The following RNF138 variants were observed in gnomAD, a reference collection of about 807,000 sequenced individuals.
RNF138 encodes the protein ring finger protein 138.
RNF138 carries 12 observed loss-of-function variants against 31.0 expected under a neutral mutation model. That is an observed-to-expected ratio of 0.39 (90% CI 0.25 to 0.63). The LOEUF (loss-of-function observed/expected upper bound fraction) is 0.63. Among genes scored for constraint, RNF138 ranks in the 20% least tolerant of loss-of-function variants. The probability of loss-of-function intolerance (pLI) is 0.52; values close to 1 mark genes in which losing one functional copy is unlikely to be tolerated. For missense variants in RNF138, 192 were observed against 300.1 expected (o/e 0.64, Z 2.66); for synonymous variants, 105 against 99.5 (o/e 1.06, Z -0.33).
rs541879012 is a variant in RNF138, at chr18:32,111,749, T to A, written c.111-5T>A. 1.2e-6 allele frequency: 2 copies of A among 1,609,064 alleles called. No homozygotes were observed. The highest frequency in any genetic ancestry group is 2.2e-5 in the East Asian group (1 of 44,816). On this transcript the variant is annotated splice_region_variant and splice_polypyrimidine_tract_variant and intron_variant, in intron 2 of 7. Transcript: ENST00000261593. ...GTAATTAATGTGTCACAATGTTTGG[T>A]TTAGTTTCTGTAGAAAATGTTTCCT...
rs761860085 is a variant in RNF138 at position 32,092,683 on chromosome 18, C to A, written c.-77-17C>A. ...GTATCCTGATGCGATCCCCCTCCCC[C>A]CTCCGGGTTCATGTAGGGAGTCGGG... On this transcript the variant is annotated splice_polypyrimidine_tract_variant and intron_variant, in intron 1 of 7. Coordinates refer to ENST00000261593, the MANE Select transcript of RNF138 (RefSeq NM_016271.5). 1.0e-4 allele frequency: 76 copies of A among 736,154 alleles called. No individual in the cohort carries two copies. The highest frequency in any genetic ancestry group is 1.5e-4 in the Non-Finnish European group (62 of 420,442). The allele number at this position is 736,154 out of a possible 1,614,324, so 45.6% of individuals were successfully genotyped here.
intron 4 of RNF138, among the ~76,000 whole-genome samples, chr18:32,118,982 A>G (rs114483659): frequency 0.014 from 2,156 of 152,248 alleles, 55 homozygotes; most frequent in African/African-American, 0.05. Context: ...TTTTTATATC[A>G]TGCCTGAGAA....
chr18:32,126,409 T>C (rs1345004316), intron 6 of RNF138, among the ~76,000 whole-genome samples: 1 of 152,246 alleles, frequency 6.6e-6, no homozygotes, highest in Non-Finnish European at 1.5e-5. Flanking sequence ...TAACTGTCAT[T>C]ACAGTTGGTA....
At chr18:32,103,548 A>AC (rs2039977264) in intron 2 of RNF138, among the ~76,000 whole-genome samples, 1 of 152,204 alleles carries the variant, frequency 6.6e-6, no homozygotes, top group South Asian at 2.1e-4. Context: ...GCACCAAGAA[A>AC]AAAAAAAGGT....
intron 2 of RNF138, among the ~76,000 whole-genome samples, chr18:32,094,609 A>G (rs59343680): frequency 0.037 from 5,506 of 148,036 alleles, 209 homozygotes; most frequent in East Asian, 0.24. Context: ...ATCTGACATG[A>G]AAAAAAAAAC....
At position 32,100,201 on chromosome 18, in the gene RNF138, G is replaced by GATATAT. The variant is rs34225221; in HGVS notation, c.110+7331_110+7336dup. Among the ~76,000 whole-genome samples, 1,304 of 146,580 alleles carry GATATAT rather than the reference G, an allele frequency of 8.9e-3. 20 individuals carry two copies. The highest frequency in any genetic ancestry group is 0.03 in the African/African-American group (1,208 of 40,168). Reference sequence around the variant, plus strand: ...CTTGGAGCTGGGTGTTAGTGATTGAGATATATATATATATATATATAAAAT... The same window carrying GATATAT: ...CTTGGAGCTGGGTGTTAGTGATTGAGATATATATATATATATATATATATATAAAAT... On this transcript the variant is annotated intron_variant, in intron 2 of 7. Coordinates refer to ENST00000261593, the MANE Select transcript of RNF138 (RefSeq NM_016271.5).
chr18:32,092,974 GA>G (rs1432878506), intron 2 of RNF138, 88 bp downstream of exon 2: 1 of 680,360 alleles, frequency 1.5e-6, no homozygotes, highest in African/African-American at 1.9e-5. Flanking sequence ...CGCCTGGCGG[GA>G]ACCGAGCCCG....
intron 2 of RNF138, among the ~76,000 whole-genome samples, chr18:32,095,202 T>C (rs1419340989): frequency 6.6e-6 from 1 of 152,112 alleles, no homozygotes; most frequent in South Asian, 2.1e-4. Context: ...CATGGTCTTA[T>C]TCTGTTGTCC....
chr18:32,097,926 G>A (rs1006811222), intron 2 of RNF138, among the ~76,000 whole-genome samples: 3 of 148,492 alleles, frequency 2.0e-5, no homozygotes, highest in Non-Finnish European at 3.0e-5. Context: ...GTGTGTGTGT[G>A]TATATGTGTA....
intron 2 of RNF138, among the ~76,000 whole-genome samples, chr18:32,094,607 TG>T (rs2039771650): frequency 1.3e-5 from 2 of 151,230 alleles, no homozygotes; most frequent in African/African-American, 4.9e-5. Flanking sequence ...CCATCTGACA[TG>T]AAAAAAAAAA....
intron 2 of RNF138, among the ~76,000 whole-genome samples, chr18:32,107,917 C>G (rs554081411): frequency 6.6e-6 from 1 of 151,992 alleles, no homozygotes; most frequent in East Asian, 1.9e-4. Context: ...GATTGGGGCG[C>G]GATCTCGGCT....
Position 32,130,030 on chromosome 18 carries a change from G to T in RNF138, c.*843G>T, listed in dbSNP as rs1279397889. On this transcript the variant is annotated 3_prime_UTR_variant, in exon 8 of 8. Coordinates refer to ENST00000261593, the MANE Select transcript of RNF138 (RefSeq NM_016271.5). ...GTATTCTAGAAGATATAAATGAGAG[G>T]TTTGGCTTCATCTCAGTTTAGAAAT... 6.6e-6 allele frequency: 1 copy of T among 152,288 alleles called. No homozygotes were observed. The highest frequency in any genetic ancestry group is 2.4e-5 in the African/African-American group (1 of 41,388). The allele number at this position is 152,288 out of a possible 1,614,324, so 9.4% of individuals were successfully genotyped here.
At chr18:32,097,192 G>T (rs1043295613) in intron 2 of RNF138, among the ~76,000 whole-genome samples, 1 of 152,180 alleles carries the variant, frequency 6.6e-6, no homozygotes, top group African/African-American at 2.4e-5. Context: ...GGAAACCTCT[G>T]TTCTTCCTTG....
rs1483629020 is a variant in RNF138 at position 32,092,250 on chromosome 18, G to C, written c.-78+15G>C. On this transcript the variant is annotated intron_variant, in intron 1 of 7. Coordinates refer to ENST00000261593, the MANE Select transcript of RNF138 (RefSeq NM_016271.5). ...GGGGCTCCTAGGTGAGAGTCTCCCCGGCGGAAGCGTGGAGGGGCCGGGGTG... is the reference window on the plus strand; with the variant it reads ...GGGGCTCCTAGGTGAGAGTCTCCCCCGCGGAAGCGTGGAGGGGCCGGGGTG... 1 of 152,990 alleles carries C rather than the reference G, an allele frequency of 6.5e-6. No homozygotes were observed. The highest frequency in any genetic ancestry group is 1.5e-5 in the Non-Finnish European group (1 of 68,464). The allele number at this position is 152,990 out of a possible 1,614,324, so 9.5% of individuals were successfully genotyped here.
chr18:32,107,367 C>G (rs916969725), intron 2 of RNF138, among the ~76,000 whole-genome samples: 3 of 151,448 alleles, frequency 2.0e-5, no homozygotes, highest in African/African-American at 7.3e-5. Context: ...GCAGTCCGCC[C>G]TCCTCGGCCT....
intron 2 of RNF138, among the ~76,000 whole-genome samples, chr18:32,110,091 A>G (rs1217043671): frequency 6.6e-6 from 1 of 151,992 alleles, no homozygotes; most frequent in Non-Finnish European, 1.5e-5. Flanking sequence ...GGCTCAAGTG[A>G]TCCTTCGCCT....
At chr18:32,118,588 T>C (rs977855228) in intron 4 of RNF138, among the ~76,000 whole-genome samples, 1 of 151,170 alleles carries the variant, frequency 6.6e-6, no homozygotes. Flanking sequence ...CCCAGCACTT[T>C]GGGAGGCTGA....
At chr18:32,127,067 T>G (rs1243870354) in intron 7 of RNF138, among the ~76,000 whole-genome samples, 1 of 152,170 alleles carries the variant, frequency 6.6e-6, no homozygotes, top group East Asian at 1.9e-4. Context: ...ATGATTTACA[T>G]GAAAACTCTG....
At chr18:32,110,471 G>A (rs183788907) in intron 2 of RNF138, among the ~76,000 whole-genome samples, 2 of 152,092 alleles carry the variant, frequency 1.3e-5, no homozygotes, top group Non-Finnish European at 2.9e-5. Context: ...TTATTATTTC[G>A]TGAGTGAGGA....
Sources: gnomAD v4.1 joint callset for allele counts (sites outside exome capture counted in the v4.1 genomes callset) on GRCh38, gnomAD v4.1.1 for gene constraint, MANE v1.5 for transcripts, NCBI Gene and HGNC (gene_info 2026-07-23, HGNC 2026-07-21) for gene names.